OXNAD1: variants seen among roughly 807,000 people sequenced by gnomAD.
The protein encoded by OXNAD1 is oxidoreductase NAD binding domain containing 1.
Under a neutral mutation model 32.9 loss-of-function variants are expected in OXNAD1, and 34 were observed. The observed-to-expected ratio is 1.03, with a 90% CI of 0.79 to 1.38. The LOEUF (loss-of-function observed/expected upper bound fraction) is 1.38. OXNAD1 is among the 40% of genes most tolerant of loss of function. The probability of loss-of-function intolerance (pLI) is 0.00; values close to 1 mark genes in which losing one functional copy is unlikely to be tolerated. For missense variants in OXNAD1, 407 were observed against 379.4 expected (o/e 1.07, Z -0.60); for synonymous variants, 134 against 135.2 (o/e 0.99, Z 0.06).
chr3:16,345,635 T>C lies in OXNAD1; in HGVS notation c.*31-3541T>C, dbSNP rs956018580. On this transcript the variant is annotated intron_variant, in intron 9 of 9. Coordinates refer to the OXNAD1 transcript ENST00000606098. This position sits in a 1 kb window ranked among gnomAD's most constrained non-coding sequence, Gnocchi z 5.2. ...CCTTGTTGCTCCTGGTTCTCAGGGC[T>C]TGGGACCTGGACTGGAGTCCACACC... 3.9e-5 allele frequency among the ~76,000 whole-genome samples: 6 copies of C among 152,076 alleles called. No individual in the cohort carries two copies. The highest frequency in any genetic ancestry group is 6.5e-5 in the Admixed American group (1 of 15,268).
In OXNAD1 at chr3:16,290,856, T is replaced by G. The variant is rs1358233632; in HGVS notation, c.291-4000T>G. Among the ~76,000 whole-genome samples, 3 of 152,108 alleles carry G rather than the reference T, an allele frequency of 2.0e-5. No homozygotes were observed. The highest frequency in any genetic ancestry group is 7.3e-5 in the African/African-American group (3 of 41,374). The stretch of plus-strand genomic sequence containing the variant: ...TCATAGATCAGATTAGAGAACATCT[T>G]TTGCTTTTCTTTTAGGCCTGTATGT... On this transcript the variant is annotated intron_variant, in intron 5 of 8. Transcript: ENST00000285083. The surrounding 1 kb of genome is among the most constrained non-coding windows in gnomAD (Gnocchi z 4.2).
Position 16,335,900 on chromosome 3 carries a change from G to T in OXNAD1, c.*31-1212G>T, listed in dbSNP as rs889874843. 6.6e-6 allele frequency among the ~76,000 whole-genome samples: 1 copy of T among 152,192 alleles called. No individual in the cohort carries two copies. Among genetic ancestry groups the T allele is most frequent in the Non-Finnish European group, 1.5e-5 (1 of 68,022 alleles). Reference sequence around the variant, plus strand: ...CTCAGGAGGCCACAGGCAGGACTCCGCAGGAGGGAAGTGGCCGACAGCAAG... The same window carrying T: ...CTCAGGAGGCCACAGGCAGGACTCCTCAGGAGGGAAGTGGCCGACAGCAAG... On this transcript the variant is annotated intron_variant, in intron 9 of 9. Transcript: ENST00000435829. This position sits in a 1 kb window ranked among gnomAD's most constrained non-coding sequence, Gnocchi z 4.7.
Position 16,269,135 on chromosome 3 carries a change from G to C in OXNAD1, c.-149G>C. ...GTTTGTGCCATTGCAGGAACTTTGT[G>C]AGAATTTTAATGCATGGAAAAGCTG... On this transcript the variant is annotated 5_prime_UTR_variant, in exon 2 of 9. Coordinates refer to ENST00000285083, the MANE Select transcript of OXNAD1 (RefSeq NM_138381.5). 6.7e-7 allele frequency: 1 copy of C among 1,483,616 alleles called. No homozygotes were observed. Among genetic ancestry groups the C allele is most frequent in the South Asian group, 1.3e-5 (1 of 75,676 alleles). The allele number at this position is 1,483,616 out of a possible 1,614,324, so 91.9% of individuals were successfully genotyped here.
At position 16,270,943 on chromosome 3, in the gene OXNAD1, A is replaced by G; in HGVS notation, c.-8-2A>G. 6.2e-7 allele frequency: 1 copy of G among 1,613,454 alleles called. No individual in the cohort carries two copies. The highest frequency in any genetic ancestry group is 1.3e-5 in the African/African-American group (1 of 74,998). Reference sequence around the variant, plus strand: ...TGAAATTTCAGTTTTCTGTTTGCCCAGAAAGCGCCATGGCCTGTGCTGCTG... The same window carrying G: ...TGAAATTTCAGTTTTCTGTTTGCCCGGAAAGCGCCATGGCCTGTGCTGCTG... On this transcript the variant is annotated splice_acceptor_variant, in intron 2 of 8. Transcript: ENST00000285083. LOFTEE classifies it low-confidence loss of function (5UTR_SPLICE).
downstream of OXNAD1, among the ~76,000 whole-genome samples, chr3:16,351,319 A>G (rs1217115566): frequency 6.6e-6 from 1 of 152,204 alleles, no homozygotes; most frequent in Non-Finnish European, 1.5e-5. The surrounding 1 kb of genome is among the most constrained non-coding windows in gnomAD (Gnocchi z 5.4). Context: ...CATACATATG[A>G]AGCCTTCAGG....
rs10703577 is a variant in OXNAD1 at position 16,345,264 on chromosome 3, TTGTGTGTGTGTGTGTGTGTGTG to T, written c.*31-3896_*31-3875del. 30 of 145,838 alleles carry T rather than the reference TTGTGTGTGTGTGTGTGTGTGTG, an allele frequency of 2.1e-4. No homozygotes were observed. The highest frequency in any genetic ancestry group is 7.2e-4 in the African/African-American group (27 of 37,754). 9.0% of individuals were successfully genotyped at this position (145,838 alleles called of 1,614,324 possible). A position where few individuals can be genotyped will look rare whatever the true frequency, so the allele number is the denominator to read the frequency against. On this transcript the variant is annotated intron_variant, in intron 9 of 9. Transcript: ENST00000606098. The surrounding 1 kb of genome is among the most constrained non-coding windows in gnomAD (Gnocchi z 5.2). ...AAACTGTAAGATAATAAGTAGGTGGTTGTGTGTGTGTGTGTGTGTGTGTGTGTGTGTGTGTGTTTAAAGCTGT... is the reference window on the plus strand; with the variant it reads ...AAACTGTAAGATAATAAGTAGGTGGTTGTGTGTGTGTGTGTTTAAAGCTGT...
intron 9 of OXNAD1, among the ~76,000 whole-genome samples, chr3:16,324,107 T>G (rs992868319): frequency 1.8e-4 from 28 of 151,840 alleles, no homozygotes; most frequent in East Asian, 1.2e-3. Context: ...AGATCACTGT[T>G]TTTTTTTTCC....
At chr3:16,328,310 C>CAA (rs2069940388) in intron 9 of OXNAD1, among the ~76,000 whole-genome samples, 1 of 152,200 alleles carries the variant, frequency 6.6e-6, no homozygotes, top group African/African-American at 2.4e-5. Context: ...AGGCAGCGCG[C>CAA]GTGACCATGG....
At position 16,327,426 on chromosome 3, in the gene OXNAD1, A is replaced by G. The variant is rs2069819006; in HGVS notation, c.*31-9686A>G. 6.6e-6 allele frequency among the ~76,000 whole-genome samples: 1 copy of G among 152,150 alleles called. No individual in the cohort carries two copies. The highest frequency in any genetic ancestry group is 1.5e-5 in the Non-Finnish European group (1 of 68,026). ...ATGAATGCTGCCATGTTTTATTTCA[A>G]ATTAGGATTTGGGGAACTAACATTT... On this transcript the variant is annotated intron_variant, in intron 9 of 9. Transcript: ENST00000435829. The surrounding 1 kb of genome is among the most constrained non-coding windows in gnomAD (Gnocchi z 4.2).
Position 16,317,099 on chromosome 3 carries a change from C to T in OXNAD1, c.*30+13507C>T, listed in dbSNP as rs2068485747. On this transcript the variant is annotated intron_variant, in intron 9 of 9. Coordinates refer to the OXNAD1 transcript ENST00000435829. The surrounding 1 kb of genome is among the most constrained non-coding windows in gnomAD (Gnocchi z 4.3). ...TCCTGAAACACAGTTTCCCATGTCT[C>T]CAGCTTTGGAAGACTGGTCTTCTAA... The T allele has an allele frequency of 1.2e-6, 2 of 1,613,820 alleles. No homozygotes were observed. The highest frequency in any genetic ancestry group is 2.2e-5 in the East Asian group (1 of 44,858).
chr3:16,330,025 T>C (rs1235743976), intron 9 of OXNAD1, among the ~76,000 whole-genome samples: 1 of 152,162 alleles, frequency 6.6e-6, no homozygotes, highest in East Asian at 1.9e-4. Flanking sequence ...GTCACTCTCT[T>C]AAAGAAAAAA....
intron 9 of OXNAD1, among the ~76,000 whole-genome samples, chr3:16,313,255 C>A (rs961056566): frequency 7.3e-6 from 1 of 136,590 alleles, no homozygotes; most frequent in South Asian, 2.3e-4. Context: ...GTTGCCCAGG[C>A]TGGTCTCGAA....
rs892084827 is a variant in OXNAD1, at chr3:16,280,741, C to G, written c.184-5601C>G. Among the ~76,000 whole-genome samples, 10 of 152,098 alleles carry G rather than the reference C, an allele frequency of 6.6e-5. No homozygotes were observed. Among genetic ancestry groups the G allele is most frequent in the Admixed American group, 6.6e-4 (10 of 15,264 alleles). ...ATTTCCTGTACAGAGACTTTTGCAC[C>G]AGCGGTAACATCAAAATATCCTACA... On this transcript the variant is annotated intron_variant, in intron 4 of 8. Transcript: ENST00000285083. This position sits in a 1 kb window ranked among gnomAD's most constrained non-coding sequence, Gnocchi z 4.5.
chr3:16,286,446 G>A lies in OXNAD1; in HGVS notation c.288G>A (p.Gln96=). The change falls in exon 5 of 9, where the codon CAG becomes CAA. Residue 96 remains glutamine, a splice_region_variant and synonymous_variant. Coordinates refer to ENST00000285083, the MANE Select transcript of OXNAD1 (RefSeq NM_138381.5). ...AAGACTTTTCCTTTAAAGCTGGCCA[G>A]TGGTAAGTGACTTTTCTGTGTTCCA... is the stretch of plus-strand genomic sequence containing the variant. The part of the protein sequence containing the change: ...ADQDFSFKAG[Q]WVDFFIPGVS... 6.2e-7 allele frequency: 1 copy of A among 1,613,298 alleles called. No individual in the cohort carries two copies. The highest frequency in any genetic ancestry group is 8.5e-7 in the Non-Finnish European group (1 of 1,179,330).
intron 9 of OXNAD1, among the ~76,000 whole-genome samples, chr3:16,319,241 T>C (rs534117820): frequency 6.6e-6 from 1 of 152,298 alleles, no homozygotes; most frequent in East Asian, 1.9e-4. Context: ...AGTATAGTAC[T>C]CCGAGAGGCA....
intron 5 of OXNAD1, among the ~76,000 whole-genome samples, chr3:16,291,856 A>G (rs1424935958): frequency 2.6e-5 from 4 of 152,206 alleles, no homozygotes; most frequent in Non-Finnish European, 5.9e-5. Flanking sequence ...TCCCACCAGC[A>G]ATGTATAAAT....
chr3:16,289,012 A>C lies in OXNAD1; in HGVS notation c.290+2564A>C, dbSNP rs1005895763. 6.6e-5 allele frequency among the ~76,000 whole-genome samples: 10 copies of C among 152,178 alleles called. No individual in the cohort carries two copies. The highest frequency in any genetic ancestry group is 2.2e-4 in the African/African-American group (9 of 41,420). ...CTCACATGCTTGCTTTCTACCAGCC[A>C]GCTCTGTGATGTGGTCAGTTTCCTT... On this transcript the variant is annotated intron_variant, in intron 5 of 8. Coordinates refer to ENST00000285083, the MANE Select transcript of OXNAD1 (RefSeq NM_138381.5). This position sits in a 1 kb window ranked among gnomAD's most constrained non-coding sequence, Gnocchi z 4.9.
At position 16,298,330 on chromosome 3, in the gene OXNAD1, C is replaced by T. The variant is rs2066942598; in HGVS notation, c.433-3296C>T. 6.6e-6 allele frequency among the ~76,000 whole-genome samples: 1 copy of T among 152,132 alleles called. No homozygotes were observed. Among genetic ancestry groups the T allele is most frequent in the Non-Finnish European group, 1.5e-5 (1 of 68,038 alleles). ...CCAGTTCCTAGTGCCATGAACATCT[C>T]CCCATCCTCCCTGTTATCCTTAGCT... On this transcript the variant is annotated intron_variant, in intron 6 of 8. Transcript: ENST00000285083. The surrounding 1 kb of genome is among the most constrained non-coding windows in gnomAD (Gnocchi z 5.1).
At chr3:16,340,375 C>T (rs550218259), downstream of OXNAD1, among the ~76,000 whole-genome samples, 18 of 152,352 alleles carry the variant, frequency 1.2e-4, 1 homozygote, top group South Asian at 3.7e-3. Flanking sequence ...TGTTAAGATA[C>T]ACAAGGCTCT....
Sources: allele counts gnomAD v4.1 joint callset (sites outside exome capture counted in the v4.1 genomes callset), GRCh38; gene constraint gnomAD v4.1.1; non-coding constraint Gnocchi (gnomAD v3.1); transcripts MANE v1.5; gene names NCBI Gene and HGNC (gene_info 2026-07-23, HGNC 2026-07-21).